The following SEPHS1 variants were observed in gnomAD, a reference collection of about 807,000 sequenced individuals.
SEPHS1 encodes the protein zincore component SEPHS1.
Under a neutral mutation model 39.2 loss-of-function variants are expected in SEPHS1, and 7 were observed. The ratio of observed to expected loss-of-function variants is 0.18; its 90% CI spans 0.10 to 0.34. The LOEUF is 0.34. SEPHS1 is among the 10% of genes least tolerant of loss of function. SEPHS1 has a pLI of 1.00. For synonymous variants in SEPHS1, 190 were observed against 195.5 expected (o/e 0.97, Z 0.23); for missense variants, 253 against 514.5 (o/e 0.49, Z 4.92).
At chr10:13,329,080 T>C (rs1286761323) in intron 6 of SEPHS1, among the ~76,000 whole-genome samples, 1 of 152,242 alleles carries the variant, frequency 6.6e-6, no homozygotes, top group Non-Finnish European at 1.5e-5. Flanking sequence ...CACCATGATA[T>C]GTGAGAATAT....
intron 2 of SEPHS1, among the ~76,000 whole-genome samples, chr10:13,340,527 G>C (rs1279255807): frequency 1.3e-5 from 2 of 152,126 alleles, no homozygotes; most frequent in African/African-American, 4.8e-5. Context: ...CTGACAACTG[G>C]TTATTCTGAG....
At chr10:13,324,343 A>C (rs1201860672) in intron 7 of SEPHS1, among the ~76,000 whole-genome samples, 1 of 152,270 alleles carries the variant, frequency 6.6e-6, no homozygotes, top group East Asian at 1.9e-4. Context: ...CCTACTGAAG[A>C]AATGAATGGC....
chr10:13,330,588 G>A (rs901788869), intron 5 of SEPHS1, among the ~76,000 whole-genome samples: 10 of 152,252 alleles, frequency 6.6e-5, no homozygotes, highest in African/African-American at 2.2e-4. Flanking sequence ...CTCCTGAATC[G>A]TTCCATTCCC....
Position 13,318,969 on chromosome 10 carries a change from AG to A in SEPHS1, c.*172del. 1 of 622,588 alleles carries A rather than the reference AG, an allele frequency of 1.6e-6. No homozygotes were observed. The highest frequency in any genetic ancestry group is 2.8e-6 in the Non-Finnish European group (1 of 362,902). 38.6% of individuals were successfully genotyped at this position (622,588 alleles called of 1,614,324 possible). ...TAGGTGCATCTTCAGTTAATGTAAC[AG>A]GAAAAAAAGGCAATGGATTTTATTT... is the stretch of plus-strand genomic sequence containing the variant. On this transcript the variant is annotated 3_prime_UTR_variant, in exon 9 of 9. Coordinates refer to ENST00000327347, the MANE Select transcript of SEPHS1 (RefSeq NM_012247.5).
At chr10:13,331,739 G>A (rs1239843734) in intron 5 of SEPHS1, among the ~76,000 whole-genome samples, 5 of 152,212 alleles carry the variant, frequency 3.3e-5, no homozygotes, top group Non-Finnish European at 7.3e-5. Flanking sequence ...ACTTGGTTAG[G>A]AGAGAAACTT....
At chr10:13,334,784 C>G (rs1310994886) in intron 4 of SEPHS1, among the ~76,000 whole-genome samples, 1 of 152,224 alleles carries the variant, frequency 6.6e-6, no homozygotes, top group Non-Finnish European at 1.5e-5. Flanking sequence ...GGAAGATGTT[C>G]TAGACAACAA....
At chr10:13,322,475 G>A (rs561502705) in intron 8 of SEPHS1, among the ~76,000 whole-genome samples, 1 of 152,092 alleles carries the variant, frequency 6.6e-6, no homozygotes, top group South Asian at 2.1e-4. Context: ...TTAAAACAAC[G>A]TTAGACAATT....
intron 8 of SEPHS1, among the ~76,000 whole-genome samples, chr10:13,320,799 G>T (rs1312462368): frequency 6.6e-6 from 1 of 152,086 alleles, no homozygotes; most frequent in African/African-American, 2.4e-5. Flanking sequence ...TTGCACTCCA[G>T]CCTGGGTGAC....
intron 2 of SEPHS1, among the ~76,000 whole-genome samples, chr10:13,341,011 T>C (rs7919509): frequency 0.19 from 28,937 of 152,294 alleles, 5,506 homozygotes; most frequent in African/African-American, 0.5. Context: ...CATTTTTATA[T>C]ATTGTGTTAA....
At chr10:13,332,886 T>G (rs1358751343) in intron 5 of SEPHS1, among the ~76,000 whole-genome samples, 2 of 150,816 alleles carry the variant, frequency 1.3e-5, no homozygotes, top group African/African-American at 4.9e-5. Flanking sequence ...AAAAATAGGA[T>G]TAAAATACTG....
In SEPHS1 at chr10:13,344,964, C is replaced by T. The variant is rs1015217539; in HGVS notation, c.-14G>A. The T allele has an allele frequency of 6.0e-6, 9 of 1,505,208 alleles. No homozygotes were observed. In the African/African-American group the frequency reaches 7.0e-5, roughly 12 times the overall value. The allele number at this position is 1,505,208 out of a possible 1,614,324, so 93.2% of individuals were successfully genotyped here. A position where few individuals can be genotyped will look rare whatever the true frequency, so the allele number is the denominator to read the frequency against. On this transcript the variant is annotated 5_prime_UTR_variant, in exon 2 of 9. Transcript: ENST00000327347. ...CCGCGTAGACATGGTTCTTGGGCCC[C>T]GCTCTCCTCACAGCTCAGCCCCTCC... is the stretch of plus-strand genomic sequence containing the variant.
At chr10:13,319,826 C>T (rs1833048371) in intron 8 of SEPHS1, among the ~76,000 whole-genome samples, 1 of 152,162 alleles carries the variant, frequency 6.6e-6, no homozygotes, top group Admixed American at 6.5e-5. Context: ...TAGTAAACTC[C>T]TAACACACAC....
chr10:13,334,703 A>T (rs905677374), intron 4 of SEPHS1, among the ~76,000 whole-genome samples: 4 of 152,310 alleles, frequency 2.6e-5, no homozygotes, highest in Non-Finnish European at 5.9e-5. Flanking sequence ...ACACAGGGAG[A>T]TCTTGTCTCA....
chr10:13,344,405 T>A (rs776596627), intron 2 of SEPHS1, among the ~76,000 whole-genome samples: 1 of 152,204 alleles, frequency 6.6e-6, no homozygotes, highest in Non-Finnish European at 1.5e-5. Flanking sequence ...CTCCATGATT[T>A]AAAAACTGTC....
At position 13,335,200 on chromosome 10, in the gene SEPHS1, C is replaced by T. The variant is rs1008709520; in HGVS notation, c.405+1043G>A. Among the ~76,000 whole-genome samples the T allele has an allele frequency of 1.1e-4, 16 of 152,280 alleles. No homozygotes were observed. In the South Asian group the frequency reaches 1.2e-3, roughly 12 times the overall value. On this transcript the variant is annotated intron_variant, in intron 4 of 8. Transcript: ENST00000327347. Reference sequence around the variant, plus strand: ...GGCAGCAAGGGCACAGAATGCTAGGCGATGACACAGAGGCGTGAGCCCCTG... The same window carrying T: ...GGCAGCAAGGGCACAGAATGCTAGGTGATGACACAGAGGCGTGAGCCCCTG...
chr10:13,341,456 C>G (rs1833781617), intron 2 of SEPHS1, among the ~76,000 whole-genome samples: 1 of 56,464 alleles, frequency 1.8e-5, no homozygotes, highest in Admixed American at 3.0e-4. Context: ...CCCTGCACCG[C>G]CCCCGCCAGC....
chr10:13,344,944 T>C lies in SEPHS1; in HGVS notation c.7A>G (p.Thr3Ala). The change falls in exon 2 of 9, where the codon ACG (threonine) becomes GCG (alanine). Residue 3 changes from threonine (T) to alanine (A), a missense_variant. Thr to Ala is a moderately conservative substitution (Grantham distance 58). Around this residue, in one of 4 missense-constraint regions of SEPHS1, gnomAD observed 123 missense variants for 196.8 expected, o/e 0.62. Coordinates refer to ENST00000327347, the MANE Select transcript of SEPHS1 (RefSeq NM_012247.5). MS[T>A]RESFNPESYE... is the part of the protein sequence containing the mutation. The stretch of plus-strand genomic sequence containing the variant: ...CTTTCCGGGTTAAAGGACTCCCGCG[T>C]AGACATGGTTCTTGGGCCCCGCTCT... 6.4e-7 allele frequency: 1 copy of C among 1,560,654 alleles called. No individual in the cohort carries two copies. Among genetic ancestry groups the C allele is most frequent in the Non-Finnish European group, 8.7e-7 (1 of 1,149,798 alleles).
At chr10:13,335,337 C>G (rs1833593528) in intron 4 of SEPHS1, among the ~76,000 whole-genome samples, 2 of 152,208 alleles carry the variant, frequency 1.3e-5, no homozygotes. Flanking sequence ...CTGATTCACA[C>G]TGAGGCACCA....
At chr10:13,330,910 T>C (rs1337243008) in intron 5 of SEPHS1, among the ~76,000 whole-genome samples, 2 of 152,104 alleles carry the variant, frequency 1.3e-5, no homozygotes, top group African/African-American at 4.8e-5. Context: ...TAGGTATACA[T>C]GTGCCATGTT....
Sources: gnomAD v4.1 joint callset for allele counts (sites outside exome capture counted in the v4.1 genomes callset) on GRCh38, gnomAD v4.1.1 for gene constraint, gnomAD v4.1.1 regional missense constraint, MANE v1.5 for transcripts, NCBI Gene and HGNC (gene_info 2026-07-23, HGNC 2026-07-21) for gene names.